N4BP2: variants seen among roughly 807,000 people sequenced by gnomAD.
N4BP2 encodes the protein NEDD4 binding protein 2.
In N4BP2, 91 loss-of-function variants were observed where a neutral mutation model predicts 152.8. That is an observed-to-expected ratio of 0.60 (90% CI 0.50 to 0.71). The LOEUF is 0.71. Ranked by LOEUF, N4BP2 falls within the 30% of genes least tolerant of loss-of-function variation. N4BP2 has a pLI of 0.00. For synonymous variants in N4BP2, 646 were observed against 705.3 expected, an observed-to-expected ratio of 0.92 and a Z score of 1.33; for missense variants, 1,923 against 2,059.1, an observed-to-expected ratio of 0.93 and a Z score of 1.28.
intron 16 of N4BP2, among the ~76,000 whole-genome samples, chr4:40,148,835 A>G (rs1378450081): frequency 6.6e-6 from 1 of 152,126 alleles, no homozygotes; most frequent in South Asian, 2.1e-4. Context: ...ATAATATTCC[A>G]TTGTGTCTAT....
At chr4:40,152,434 T>C (rs571417149) in intron 16 of N4BP2, among the ~76,000 whole-genome samples, 2 of 152,300 alleles carry the variant, frequency 1.3e-5, no homozygotes, top group South Asian at 4.1e-4. Context: ...ACTCCTTTTG[T>C]ATAGTAATTG....
intron 4 of N4BP2, among the ~76,000 whole-genome samples, chr4:40,105,290 G>A (rs1716152568): frequency 6.6e-6 from 1 of 151,746 alleles, no homozygotes; most frequent in South Asian, 2.1e-4. Context: ...GAGAAGTTGG[G>A]TAGTAGTTGA....
At chr4:40,132,129 A>G (rs1250375778) in intron 13 of N4BP2, among the ~76,000 whole-genome samples, 1 of 152,136 alleles carries the variant, frequency 6.6e-6, no homozygotes, top group Non-Finnish European at 1.5e-5. Flanking sequence ...TTTTTCCTAT[A>G]AATAAGAATT....
chr4:40,168,315 AAT>A, the N4BP2 span, among the ~76,000 whole-genome samples: 1 of 152,328 alleles, frequency 6.6e-6, no homozygotes, highest in Admixed American at 6.5e-5. Flanking sequence ...AAACCCAGTG[AAT>A]ATGTTGTTTA....
At chr4:40,100,101 A>G (rs775134660) in intron 3 of N4BP2, 29 of 455,972 alleles carry the variant, frequency 6.4e-5, no homozygotes, top group South Asian at 4.5e-4. Context: ...GGATTATCTC[A>G]TTTAATCCTC....
chr4:40,126,941 T>C (rs1393217210), intron 12 of N4BP2, among the ~76,000 whole-genome samples: 2 of 151,158 alleles, frequency 1.3e-5, no homozygotes, highest in African/African-American at 4.9e-5. Context: ...GTAATTTTAG[T>C]AGAGACAGGG....
chr4:40,109,675 A>C (rs1716684173), intron 5 of N4BP2, among the ~76,000 whole-genome samples: 1 of 151,860 alleles, frequency 6.6e-6, no homozygotes, highest in African/African-American at 2.4e-5. Flanking sequence ...TCAGGATCCC[A>C]CTACTGCACT....
At chr4:40,168,827 G>A in the N4BP2 span, among the ~76,000 whole-genome samples, 216 of 151,778 alleles carry the variant, frequency 1.4e-3, no homozygotes, top group African/African-American at 5.0e-3. Context: ...CTGGGTTCAA[G>A]TGATCTCCTG....
intron 14 of N4BP2, 97 bp downstream of exon 14, chr4:40,137,179 C>T (rs1345946962): frequency 7.1e-6 from 7 of 983,658 alleles, no homozygotes; most frequent in South Asian, 2.6e-5. Flanking sequence ...TTATTTCTCA[C>T]CATTTTGACT....
At chr4:40,084,700 G>C (rs1713757713) in intron 2 of N4BP2, among the ~76,000 whole-genome samples, 1 of 149,932 alleles carries the variant, frequency 6.7e-6, no homozygotes, top group African/African-American at 2.5e-5. Context: ...CATGATCTTG[G>C]CTCACTGTAA....
intron 7 of N4BP2, among the ~76,000 whole-genome samples, chr4:40,115,259 A>G (rs897620791): frequency 2.6e-5 from 4 of 152,132 alleles, no homozygotes; most frequent in Non-Finnish European, 4.4e-5. Context: ...TACTTTGGGA[A>G]GCTGAAGCAG....
Position 40,102,855 on chromosome 4 carries a change from A to AG in N4BP2, c.1014dup (p.Lys339GlufsTer33). On this transcript the variant is annotated frameshift_variant, in exon 4 of 18. Transcript: ENST00000261435. LOFTEE classifies it high-confidence loss of function. ...CACAAACATCCTGAACTGCCAACTAAGGGGAAGGATGTGAGTTACTGCCCG... is the reference window on the plus strand; with the variant it reads ...CACAAACATCCTGAACTGCCAACTAAGGGGGAAGGATGTGAGTTACTGCCCG... 1 of 1,614,174 alleles carries AG rather than the reference A, an allele frequency of 6.2e-7. No homozygotes were observed.
At chr4:40,080,638 A>G (rs1017079700) in intron 2 of N4BP2, among the ~76,000 whole-genome samples, 1 of 149,400 alleles carries the variant, frequency 6.7e-6, no homozygotes, top group Non-Finnish European at 1.5e-5. Flanking sequence ...CCTGGCCTAT[A>G]TATGTTTTTA....
At chr4:40,129,709 A>C (rs1718744707) in intron 12 of N4BP2, among the ~76,000 whole-genome samples, 1 of 151,520 alleles carries the variant, frequency 6.6e-6, no homozygotes, top group Non-Finnish European at 1.5e-5. Flanking sequence ...GGCTTCAAGC[A>C]GTCCTTCTAC....
chr4:40,111,541 G>A (rs1384284959), intron 5 of N4BP2, among the ~76,000 whole-genome samples: 1 of 152,126 alleles, frequency 6.6e-6, no homozygotes, highest in African/African-American at 2.4e-5. Flanking sequence ...GGTTGGTCTC[G>A]AACTCCTGAC....
intron 2 of N4BP2, among the ~76,000 whole-genome samples, chr4:40,080,250 T>C (rs1321813207): frequency 1.3e-5 from 2 of 151,830 alleles, no homozygotes; most frequent in African/African-American, 4.8e-5. Flanking sequence ...CAGTAGAATA[T>C]GTGGGATTGA....
At chr4:40,092,007 A>AAAAT (rs1417559048) in intron 2 of N4BP2, among the ~76,000 whole-genome samples, 4 of 33,328 alleles carry the variant, frequency 1.2e-4, no homozygotes, top group East Asian at 8.6e-4. Context: ...AAAAAAAAAA[A>AAAAT]TTATATATAT....
chr4:40,151,144 G>A (rs879445576), intron 16 of N4BP2, among the ~76,000 whole-genome samples: 1 of 152,212 alleles, frequency 6.6e-6, no homozygotes, highest in Non-Finnish European at 1.5e-5. Context: ...ATCAACTAGA[G>A]AATATTTTCA....
chr4:40,139,387 G>A (rs1001541590), intron 14 of N4BP2, among the ~76,000 whole-genome samples: 2 of 151,862 alleles, frequency 1.3e-5, no homozygotes, highest in Non-Finnish European at 2.9e-5. Flanking sequence ...TTGAGCCACC[G>A]CACCTGGCCT....
Sources: allele counts gnomAD v4.1 joint callset (sites outside exome capture counted in the v4.1 genomes callset), GRCh38; gene constraint gnomAD v4.1.1; transcripts MANE v1.5; gene names NCBI Gene and HGNC (gene_info 2026-07-23, HGNC 2026-07-21).